OTOF: variants seen among roughly 807,000 people sequenced by gnomAD.
The protein encoded by OTOF is otoferlin, also known as fer-1-like family member 2.
OTOF carries 218 observed loss-of-function variants against 236.8 expected under a neutral mutation model. That is an observed-to-expected ratio of 0.92 (90% confidence interval 0.82 to 1.03). OTOF has a LOEUF of 1.03. Among genes scored for constraint, OTOF ranks in the 50% least tolerant of loss-of-function variants. The pLI is 0.00. For synonymous variants in OTOF, 1,041 were observed against 1,072.5 expected, an observed-to-expected ratio of 0.97 and a Z score of 0.57; for missense variants, 2,590 against 2,694.4, an observed-to-expected ratio of 0.96 and a Z score of 0.86.
At chr2:26,536,415 T>C (rs57529042) in intron 2 of OTOF, among the ~76,000 whole-genome samples, 2,961 of 152,078 alleles carry the variant, frequency 0.019, 77 homozygotes, top group African/African-American at 0.061. Context: ...TGCATAGCAG[T>C]GGGGACGTAC....
At chr2:26,555,750 A>G (rs568296182) in intron 1 of OTOF, among the ~76,000 whole-genome samples, 3 of 151,878 alleles carry the variant, frequency 2.0e-5, no homozygotes, top group Admixed American at 2.0e-4. Context: ...TTTATATCTC[A>G]CATGGGGCCC....
intron 10 of OTOF, 58 bp from the exon 11 acceptor site, chr2:26,489,353 G>T: frequency 7.6e-7 from 1 of 1,312,086 alleles, no homozygotes. Flanking sequence ...GCTTTCCATG[G>T]GGCAGTGGTG....
At chr2:26,514,204 G>A (rs763686971) in intron 5 of OTOF, among the ~76,000 whole-genome samples, 16 of 152,282 alleles carry the variant, frequency 1.1e-4, no homozygotes, top group Non-Finnish European at 1.9e-4. Context: ...AGCCCCAGTG[G>A]CAGCAGGGAA....
intron 32 of OTOF, among the ~76,000 whole-genome samples, chr2:26,469,570 T>G (rs1026319848): frequency 1.3e-5 from 2 of 152,212 alleles, no homozygotes; most frequent in Non-Finnish European, 2.9e-5. Context: ...GAAAAGCATA[T>G]GCCTCATCTC....
rs1401470829 is a variant in OTOF at position 26,460,674 on chromosome 2, T to C, written c.5786A>G (p.Asn1929Ser). 1.9e-6 allele frequency: 3 copies of C among 1,614,102 alleles called. No homozygotes were observed. Among genetic ancestry groups the C allele is most frequent in the Admixed American group, 1.7e-5 (1 of 60,008 alleles). Residue 1929 changes from asparagine (N) to serine (S), a missense_variant, in exon 45 of 47, where the codon AAT (asparagine) becomes AGT (serine). Coordinates refer to ENST00000272371, the MANE Select transcript of OTOF (RefSeq NM_194248.3). This position sits in a 1 kb window ranked among gnomAD's most constrained non-coding sequence, Gnocchi z 5.3. Reference sequence around the variant, plus strand: ...GGGTTTCTCTAGGGGGTCAGGTTCATTGCGGGCCAGGCCCACTGGGTTCTT... The same window carrying C: ...GGGTTTCTCTAGGGGGTCAGGTTCACTGCGGGCCAGGCCCACTGGGTTCTT... Reference protein sequence around the residue: ...AEKNPVGLARNEPDPLEKPNR... With the variant: ...AEKNPVGLARSEPDPLEKPNR...
Position 26,477,298 on chromosome 2 carries a change from A to T in OTOF, c.2407-10T>A, listed in dbSNP as rs755463594. The T allele has an allele frequency of 1.6e-4, 262 of 1,607,980 alleles. No individual in the cohort carries two copies. Among genetic ancestry groups the T allele is most frequent in the Non-Finnish European group, 2.1e-4 (244 of 1,177,926 alleles). ...GCTGCCCCATGTTTTCCTGCGAAGGAGGGGGTGTCAGTGAACCCAGCAACT... is the reference window on the plus strand; with the variant it reads ...GCTGCCCCATGTTTTCCTGCGAAGGTGGGGGTGTCAGTGAACCCAGCAACT... On this transcript the variant is annotated splice_polypyrimidine_tract_variant and intron_variant, in intron 20 of 46. Transcript: ENST00000272371. The surrounding 1 kb of genome is among the most constrained non-coding windows in gnomAD (Gnocchi z 4.7).
chr2:26,460,036 G>A lies in OTOF; in HGVS notation c.5983C>T (p.Leu1995Phe), dbSNP rs1432018644. 1 of 1,569,962 alleles carries A rather than the reference G, an allele frequency of 6.4e-7. No homozygotes were observed. Among genetic ancestry groups the A allele is most frequent in the Non-Finnish European group, 8.6e-7 (1 of 1,157,554 alleles). ...SVPGYLVKKI[L>F]GA ...GGAGGCCACTGGGCTCAGGCCCCGA[G>A]GATTTTCTTGACCAGGTAGCCAGGC... is the stretch of plus-strand genomic sequence containing the variant. Residue 1995 changes from leucine (L) to phenylalanine (F), a missense_variant, in exon 46 of 47, where the codon CTC becomes TTC. Leu to Phe is a conservative substitution (Grantham distance 22). Coordinates refer to ENST00000272371, the MANE Select transcript of OTOF (RefSeq NM_194248.3). This position sits in a 1 kb window ranked among gnomAD's most constrained non-coding sequence, Gnocchi z 5.3.
In OTOF at chr2:26,489,198, C is replaced by T. The variant is rs374236197; in HGVS notation, c.1045+13G>A. The T allele has an allele frequency of 1.0e-5, 16 of 1,597,242 alleles. No homozygotes were observed. Among genetic ancestry groups the T allele is most frequent in the African/African-American group, 9.4e-5 (7 of 74,606 alleles). ...TGCACACCTCGACTGACTGGCCATG[C>T]GCAGGTACTCACCTGGCTGCGAGTA... On this transcript the variant is annotated intron_variant, in intron 11 of 46. Transcript: ENST00000272371.
In OTOF at chr2:26,479,620, C is replaced by T. The variant is rs562267762; in HGVS notation, c.1946G>A (p.Arg649Gln). 35 of 1,612,626 alleles carry T rather than the reference C, an allele frequency of 2.2e-5. No homozygotes were observed. Among genetic ancestry groups the T allele is most frequent in the Middle Eastern group, 1.6e-4 (1 of 6,062 alleles). The change falls in exon 17 of 47, where the codon CGG becomes CAG. Residue 649 changes from arginine (R) to glutamine (Q), a missense_variant. This residue lies in a region of OTOF where 1,379 missense variants were observed against 1,341.6 expected (regional missense o/e 1.03). Transcript: ENST00000272371. ...NYGNEVDGLS[R>Q]PQRPRPRKEP... Reference sequence around the variant, plus strand: ...CTTCCGGGGCCGAGGCCGCTGGGGCCGGGACAGGCCATCAACTTCGTTCCC... The same window carrying T: ...CTTCCGGGGCCGAGGCCGCTGGGGCTGGGACAGGCCATCAACTTCGTTCCC...
chr2:26,532,163 C>T (rs1456079912), intron 2 of OTOF, among the ~76,000 whole-genome samples: 1 of 148,016 alleles, frequency 6.8e-6, no homozygotes, highest in African/African-American at 2.5e-5. Context: ...CTGGGTAGGA[C>T]TTAGTACTTC....
intron 5 of OTOF, among the ~76,000 whole-genome samples, chr2:26,514,179 C>T (rs1190956686): frequency 1.3e-5 from 2 of 152,296 alleles, no homozygotes; most frequent in Non-Finnish European, 2.9e-5. Context: ...AATGTGCTCT[C>T]AAACCTGGGC....
intron 8 of OTOF, among the ~76,000 whole-genome samples, chr2:26,499,891 G>A (rs1280414115): frequency 6.6e-6 from 1 of 152,208 alleles, no homozygotes; most frequent in Non-Finnish European, 1.5e-5. Context: ...AAGGTTAATT[G>A]TGAATGAACT....
intron 46 of OTOF, 145 bp downstream of exon 46, chr2:26,459,863 G>T (rs142786090): frequency 2.6e-6 from 2 of 765,952 alleles, no homozygotes; most frequent in Non-Finnish European, 2.1e-6. Flanking sequence ...GCACTTGTGC[G>T]TGGCACATGT....
At position 26,468,456 on chromosome 2, in the gene OTOF, G is replaced by A; in HGVS notation, c.4042C>T (p.Pro1348Ser). Residue 1348 changes from proline to serine, a missense_variant, in exon 33 of 47, where the codon CCC becomes TCC. Around this residue, in one of 2 missense-constraint regions of OTOF, gnomAD observed 1,211 missense variants for 1,352.8 expected, o/e 0.90. Transcript: ENST00000272371. ...TMKEQLRQQE[P>S]SGIDLEEKEE... The stretch of plus-strand genomic sequence containing the variant: ...TTCTCCTCCAAGTCAATTCCAGAGG[G>A]CTCTTGTTGTCGAAGTTGCTGCCAA... The A allele has an allele frequency of 6.2e-7, 1 of 1,614,032 alleles. No homozygotes were observed. Among genetic ancestry groups the A allele is most frequent in the Admixed American group, 1.7e-5 (1 of 60,012 alleles).
At chr2:26,549,506 C>T (rs1334924329) in intron 1 of OTOF, among the ~76,000 whole-genome samples, 1 of 152,204 alleles carries the variant, frequency 6.6e-6, no homozygotes, top group Non-Finnish European at 1.5e-5. Context: ...CCTGGGCCTC[C>T]CACTGGAAAA....
chr2:26,505,277 G>A (rs1270237158), intron 5 of OTOF, among the ~76,000 whole-genome samples: 1 of 152,178 alleles, frequency 6.6e-6, no homozygotes, highest in East Asian at 1.9e-4. Context: ...AGGCTGATGT[G>A]TCTGCACTCT....
rs561640417 is a variant in OTOF at position 26,471,835 on chromosome 2, T to C, written c.3864+684A>G. On this transcript the variant is annotated intron_variant, in intron 30 of 46. Transcript: ENST00000272371. ...TACACCACATGCACACATGCACACA[T>C]GCACATTTACATACCACATGCACAC... Among the ~76,000 whole-genome samples the C allele has an allele frequency of 3.3e-5, 5 of 149,764 alleles. No homozygotes were observed. In the East Asian group the frequency reaches 1.0e-3, roughly 30 times the overall value.
chr2:26,466,193 C>G (rs1378002669), intron 36 of OTOF, 117 bp from the exon 37 acceptor site: 2 of 1,306,490 alleles, frequency 1.5e-6, no homozygotes, highest in Admixed American at 1.9e-5. Context: ...GAGCACTGGA[C>G]CCCTCAGGAG....
intron 8 of OTOF, among the ~76,000 whole-genome samples, chr2:26,496,803 C>T (rs939145528): frequency 1.1e-4 from 16 of 151,982 alleles, no homozygotes; most frequent in African/African-American, 3.9e-4. Context: ...CAAATGACCA[C>T]ATAGCCTTGT....
Sources: allele counts gnomAD v4.1 joint callset (sites outside exome capture counted in the v4.1 genomes callset), GRCh38; gene constraint gnomAD v4.1.1; regional missense constraint gnomAD v4.1.1; non-coding constraint Gnocchi (gnomAD v3.1); transcripts MANE v1.5; gene names NCBI Gene and HGNC (gene_info 2026-07-23, HGNC 2026-07-21).